Variants in CFAP20DC observed in about 807,000 individuals in gnomAD.
CFAP20DC encodes the protein CFAP20 domain containing, also known as protein CFAP20DC.
In CFAP20DC, 84 loss-of-function variants were observed where a neutral mutation model predicts 101.7. That is an observed-to-expected ratio of 0.83 (90% CI 0.69 to 0.99). CFAP20DC has a LOEUF of 0.99. Ranked by LOEUF, CFAP20DC falls within the 50% of genes least tolerant of loss-of-function variation. The probability of loss-of-function intolerance (pLI) is 0.00; values close to 1 mark genes in which losing one functional copy is unlikely to be tolerated. For synonymous variants in CFAP20DC, 359 were observed against 351.2 expected (o/e 1.02, Z -0.25); for missense variants, 1,007 against 970.3 (o/e 1.04, Z -0.50).
intron 15 of CFAP20DC, among the ~76,000 whole-genome samples, chr3:58,783,367 G>T (rs764073972): frequency 6.6e-6 from 1 of 151,852 alleles, no homozygotes; most frequent in African/African-American, 2.4e-5. Flanking sequence ...CACTGGTATA[G>T]GCAAAAATGT....
At chr3:58,853,097 AAAG>A (rs1465023830) in intron 12 of CFAP20DC, among the ~76,000 whole-genome samples, 9 of 152,172 alleles carry the variant, frequency 5.9e-5, no homozygotes, top group Non-Finnish European at 1.3e-4. Context: ...CAAGACTAAT[AAAG>A]AAGAAAAGAG....
At chr3:58,741,597 C>T (rs80233659), downstream of CFAP20DC, among the ~76,000 whole-genome samples, 8,435 of 151,494 alleles carry the variant, frequency 0.056, 515 homozygotes, top group East Asian at 0.35. Flanking sequence ...CCTGGGTTCG[C>T]GCCATTCTCC....
intron 4 of CFAP20DC, among the ~76,000 whole-genome samples, chr3:59,035,041 C>A (rs1464614578): frequency 6.6e-6 from 1 of 152,208 alleles, no homozygotes; most frequent in African/African-American, 2.4e-5. Flanking sequence ...AAGAAACTCA[C>A]TCAAAACCCC....
At chr3:58,790,558 C>G (rs2072763871) in intron 15 of CFAP20DC, among the ~76,000 whole-genome samples, 1 of 152,128 alleles carries the variant, frequency 6.6e-6, no homozygotes, top group Non-Finnish European at 1.5e-5. Context: ...GTGAAAAGGA[C>G]ATGTGGATCC....
intron 4 of CFAP20DC, chr3:58,970,336 T>C (rs2091878199): frequency 6.6e-6 from 1 of 152,182 alleles, no homozygotes; most frequent in Non-Finnish European, 1.5e-5. Flanking sequence ...TTAAATCCAA[T>C]GACTGGTGTC....
At chr3:58,831,985 A>T (rs1488571182) in intron 13 of CFAP20DC, 96 bp from the exon 14 acceptor site, 2 of 1,023,622 alleles carry the variant, frequency 2.0e-6, no homozygotes, top group Non-Finnish European at 3.0e-6. Flanking sequence ...CAGCTCCCCC[A>T]ACTGACAGAG....
At chr3:58,762,026 G>GGA (rs2069661633) in intron 15 of CFAP20DC, among the ~76,000 whole-genome samples, 1 of 152,174 alleles carries the variant, frequency 6.6e-6, no homozygotes, top group Non-Finnish European at 1.5e-5. Flanking sequence ...GATTTGGGGT[G>GGA]GAGAGTTCTG....
At chr3:58,890,431 G>C (rs1432406192) in intron 6 of CFAP20DC, among the ~76,000 whole-genome samples, 1 of 141,008 alleles carries the variant, frequency 7.1e-6, no homozygotes, top group Non-Finnish European at 1.5e-5. Context: ...TGGCCGGGCG[G>C]GGGGGCTGAC....
At chr3:58,796,079 C>G (rs745805159) in intron 15 of CFAP20DC, among the ~76,000 whole-genome samples, 2 of 152,048 alleles carry the variant, frequency 1.3e-5, no homozygotes, top group Admixed American at 1.3e-4. Flanking sequence ...AGTTGGTGCC[C>G]GGGTCAGTGT....
At chr3:58,823,930 T>C (rs2075863799) in intron 14 of CFAP20DC, among the ~76,000 whole-genome samples, 1 of 152,162 alleles carries the variant, frequency 6.6e-6, no homozygotes, top group Admixed American at 6.6e-5. Context: ...GGGACAATCA[T>C]AAAATGTAAT....
At chr3:58,780,531 G>A (rs918539695) in intron 15 of CFAP20DC, among the ~76,000 whole-genome samples, 4 of 151,916 alleles carry the variant, frequency 2.6e-5, no homozygotes, top group African/African-American at 9.7e-5. Flanking sequence ...CCAAGTATAT[G>A]CTGCCTACAA....
rs981191534 is a variant in CFAP20DC, at chr3:58,722,136, T to C, written c.198-4508A>G. Reference sequence around the variant, plus strand: ...AGTCAAGCCATGTGGAGAGGCCACATGTAGACCCTCTGGTCAATGGTCCCA... The same window carrying C: ...AGTCAAGCCATGTGGAGAGGCCACACGTAGACCCTCTGGTCAATGGTCCCA... On this transcript the variant is annotated intron_variant, in intron 3 of 3. Coordinates refer to the CFAP20DC transcript ENST00000486145. This position sits in a 1 kb window ranked among gnomAD's most constrained non-coding sequence, Gnocchi z 4.5. Among the ~76,000 whole-genome samples, 1 of 152,226 alleles carries C rather than the reference T, an allele frequency of 6.6e-6. No homozygotes were observed. The highest frequency in any genetic ancestry group is 2.4e-5 in the African/African-American group (1 of 41,458).
chr3:58,998,634 C>G (rs1338015903), intron 4 of CFAP20DC, among the ~76,000 whole-genome samples: 1 of 152,110 alleles, frequency 6.6e-6, no homozygotes, highest in Non-Finnish European at 1.5e-5. Flanking sequence ...GGATATAGCC[C>G]CACCCTGTGA....
At chr3:58,871,851 T>C (rs916412194) in intron 7 of CFAP20DC, among the ~76,000 whole-genome samples, 1 of 152,178 alleles carries the variant, frequency 6.6e-6, no homozygotes, top group Admixed American at 6.5e-5. Context: ...TTCTGGCTAA[T>C]GAACTGTGAG....
intron 14 of CFAP20DC, among the ~76,000 whole-genome samples, chr3:58,810,121 G>C (rs550671918): frequency 6.6e-6 from 1 of 152,078 alleles, no homozygotes; most frequent in Non-Finnish European, 1.5e-5. Flanking sequence ...TTCTATCAGA[G>C]GTACAAGGAG....
At chr3:58,823,282 A>C (rs779734361) in intron 14 of CFAP20DC, among the ~76,000 whole-genome samples, 2 of 152,160 alleles carry the variant, frequency 1.3e-5, no homozygotes, top group Non-Finnish European at 2.9e-5. Flanking sequence ...GCTTATAAAC[A>C]TATGTAGCAG....
At chr3:58,930,565 A>G (rs1276320630) in intron 5 of CFAP20DC, among the ~76,000 whole-genome samples, 1 of 152,202 alleles carries the variant, frequency 6.6e-6, no homozygotes, top group Non-Finnish European at 1.5e-5. Context: ...TATGACAGGG[A>G]GAATAGCTGA....
chr3:58,904,043 C>T (rs2083382456), intron 6 of CFAP20DC, among the ~76,000 whole-genome samples: 1 of 152,118 alleles, frequency 6.6e-6, no homozygotes, highest in South Asian at 2.1e-4. Context: ...CAAAAAAGCC[C>T]ATTGGAATTT....
chr3:58,994,368 T>A (rs149929756), intron 4 of CFAP20DC, among the ~76,000 whole-genome samples: 2 of 152,158 alleles, frequency 1.3e-5, no homozygotes, highest in Non-Finnish European at 2.9e-5. Context: ...GCTGGATAAG[T>A]GGGGCATTAC....
Sources: allele counts gnomAD v4.1 joint callset (sites outside exome capture counted in the v4.1 genomes callset), GRCh38; gene constraint gnomAD v4.1.1; non-coding constraint Gnocchi (gnomAD v3.1); transcripts MANE v1.5; gene names NCBI Gene and HGNC (gene_info 2026-07-23, HGNC 2026-07-21).